The following RARB variants were observed in gnomAD, a reference collection of about 807,000 sequenced individuals.
RARB encodes the protein HBV-activated protein.
In RARB, 17 loss-of-function variants were observed where a neutral mutation model predicts 51.9. The observed-to-expected ratio is 0.33, with a 90% confidence interval of 0.22 to 0.49. The LOEUF (loss-of-function observed/expected upper bound fraction) is 0.49, where lower values mean the gene tolerates loss of function less well. RARB is among the 20% of genes least tolerant of loss of function. RARB has a pLI of 0.99. For missense variants in RARB, 369 were observed against 550.8 expected (o/e 0.67, Z 3.30); for synonymous variants, 215 against 195.4 (o/e 1.10, Z -0.84).
rs745910658 is a variant in RARB, at chr3:25,329,276, T to G, written c.179-131917T>G. Among the ~76,000 whole-genome samples the G allele has an allele frequency of 2.0e-5, 3 of 152,064 alleles. No individual in the cohort carries two copies. In the East Asian group the frequency reaches 5.8e-4, roughly 29 times the overall value. The stretch of plus-strand genomic sequence containing the variant: ...AGCCTAACGGGGAGGCACCACCCAG[T>G]AGGGGCTGACTGACACCTCATACGG... On this transcript the variant is annotated intron_variant, in intron 5 of 11. Transcript: ENST00000383772.
chr3:24,963,313 C>A (rs937267), intron 2 of RARB, among the ~76,000 whole-genome samples: 134,649 of 151,242 alleles, frequency 0.89, 60,116 homozygotes, highest in East Asian at 0.96. Context: ...CCAGTGAGTT[C>A]ATTGGAAACG....
intron 5 of RARB, among the ~76,000 whole-genome samples, chr3:25,361,320 C>G (rs1705926250): frequency 6.6e-6 from 1 of 152,202 alleles, no homozygotes. Flanking sequence ...CTATGTTTTT[C>G]AGCTCCATCA....
chr3:25,428,494 C>T lies in RARB; in HGVS notation c.-238C>T. The T allele has an allele frequency of 7.9e-7, 1 of 1,266,650 alleles. No homozygotes were observed. The highest frequency in any genetic ancestry group is 3.0e-5 in the East Asian group (1 of 33,046). The allele number at this position is 1,266,650 out of a possible 1,614,324, so 78.5% of individuals were successfully genotyped here. On this transcript the variant is annotated 5_prime_UTR_variant, in exon 1 of 8. Coordinates refer to ENST00000330688, the MANE Select transcript of RARB (RefSeq NM_000965.5). ...AACTTGGGATCTTTCTGGGAACCCCCCGCCCCGGCTGGATTGGCCGAGCAA... is the reference window on the plus strand; with the variant it reads ...AACTTGGGATCTTTCTGGGAACCCCTCGCCCCGGCTGGATTGGCCGAGCAA...
At chr3:25,559,788 G>T (rs1395509529) in intron 3 of RARB, among the ~76,000 whole-genome samples, 1 of 152,130 alleles carries the variant, frequency 6.6e-6, no homozygotes, top group Middle Eastern at 3.2e-3. Flanking sequence ...ATGGACAGAT[G>T]GACAAATGGA....
chr3:25,135,789 A>G (rs1700023955), intron 4 of RARB, among the ~76,000 whole-genome samples: 1 of 152,048 alleles, frequency 6.6e-6, no homozygotes, highest in Non-Finnish European at 1.5e-5. Flanking sequence ...CAGTAGAACT[A>G]TAAGGACATA....
intron 2 of RARB, among the ~76,000 whole-genome samples, chr3:25,044,266 T>C (rs76611065): frequency 0.015 from 2,231 of 152,286 alleles, 58 homozygotes; most frequent in African/African-American, 0.05. Context: ...ATTCTGACAT[T>C]AATATCTTAT....
At chr3:25,124,053 G>A (rs902207682) in intron 3 of RARB, among the ~76,000 whole-genome samples, 2 of 152,140 alleles carry the variant, frequency 1.3e-5, no homozygotes, top group African/African-American at 4.8e-5. Flanking sequence ...TACTCACCCG[G>A]GGAGGGAGTG....
At chr3:25,023,028 A>G (rs1046552833) in intron 2 of RARB, among the ~76,000 whole-genome samples, 2 of 152,158 alleles carry the variant, frequency 1.3e-5, no homozygotes, top group African/African-American at 4.8e-5. Context: ...ATGGATTACA[A>G]ATTGGAGGGA....
At chr3:25,213,114 C>CTA (rs1347814165) in intron 5 of RARB, among the ~76,000 whole-genome samples, 1 of 151,960 alleles carries the variant, frequency 6.6e-6, no homozygotes, top group Non-Finnish European at 1.5e-5. Flanking sequence ...ATATAAGATA[C>CTA]TATATATATA....
intron 2 of RARB, among the ~76,000 whole-genome samples, chr3:24,997,084 G>C (rs1697057412): frequency 6.6e-6 from 1 of 151,924 alleles, no homozygotes; most frequent in African/African-American, 2.4e-5. Context: ...ATTGTATTGA[G>C]GTCTATCTCT....
chr3:25,340,980 A>G (rs1242597584), intron 5 of RARB, among the ~76,000 whole-genome samples: 3 of 152,206 alleles, frequency 2.0e-5, no homozygotes, highest in African/African-American at 4.8e-5. Context: ...TATTTTCTGT[A>G]TAACCTCCTA....
chr3:24,972,894 T>C (rs892868066), intron 2 of RARB, among the ~76,000 whole-genome samples: 1 of 152,090 alleles, frequency 6.6e-6, no homozygotes, highest in African/African-American at 2.4e-5. Flanking sequence ...CCTTGTCATA[T>C]AGTTTGCAAA....
At chr3:24,944,807 T>C (rs1197147039) in intron 2 of RARB, among the ~76,000 whole-genome samples, 1 of 152,222 alleles carries the variant, frequency 6.6e-6, no homozygotes, top group African/African-American at 2.4e-5. Flanking sequence ...TTTACTATGA[T>C]GTTAGTGCCA....
intron 2 of RARB, among the ~76,000 whole-genome samples, chr3:24,901,520 C>A (rs1301225491): frequency 1.3e-5 from 2 of 152,182 alleles, no homozygotes; most frequent in Non-Finnish European, 2.9e-5. Context: ...GGACTACAGA[C>A]AAGTGCCACT....
chr3:25,511,027 A>G (rs1167199629), intron 3 of RARB, among the ~76,000 whole-genome samples: 1 of 152,216 alleles, frequency 6.6e-6, no homozygotes, highest in African/African-American at 2.4e-5. Context: ...ACTCAACTCT[A>G]CTATTGCAGC....
intron 1 of RARB, among the ~76,000 whole-genome samples, chr3:24,830,228 A>G (rs1199664724): frequency 6.6e-6 from 1 of 151,302 alleles, no homozygotes; most frequent in East Asian, 2.0e-4. Context: ...AACAGAGAAG[A>G]GAGAGGTACT....
intron 5 of RARB, among the ~76,000 whole-genome samples, chr3:25,237,342 T>C (rs564624079): frequency 2.0e-5 from 3 of 152,258 alleles, no homozygotes; most frequent in African/African-American, 7.2e-5. Flanking sequence ...GAATATTCTT[T>C]TAATAAATAT....
chr3:25,569,981 GACACACACACACACACACACAC>G (rs56255512), intron 4 of RARB, 63 bp downstream of exon 4: 7 of 1,069,428 alleles, frequency 6.5e-6, no homozygotes, highest in South Asian at 3.6e-5. Context: ...CATGTGTGCA[GACACACACACACACACACACAC>G]ACACACACAC....
chr3:25,431,295 A>C (rs1708197587), intron 1 of RARB, among the ~76,000 whole-genome samples: 1 of 152,126 alleles, frequency 6.6e-6, no homozygotes, highest in South Asian at 2.1e-4. Context: ...TAGTAAATAA[A>C]GTAAGACCTT....
Sources: allele counts gnomAD v4.1 joint callset (sites outside exome capture counted in the v4.1 genomes callset), GRCh38; gene constraint gnomAD v4.1.1; transcripts MANE v1.5; gene names NCBI Gene and HGNC (gene_info 2026-07-23, HGNC 2026-07-21).